Variants in FUT8 observed in about 807,000 individuals in gnomAD.
FUT8 encodes the protein fucosyltransferase 8, also known as alpha-(1,6)-fucosyltransferase.
A neutral mutation model predicts 71.3 loss-of-function variants in FUT8; 29 were observed. That is an observed-to-expected ratio of 0.41 (90% CI 0.30 to 0.55). FUT8 has a LOEUF of 0.55. Ranked by LOEUF, FUT8 falls within the 20% of genes least tolerant of loss-of-function variation. The probability of loss-of-function intolerance (pLI) is 0.34; values close to 1 mark genes in which losing one functional copy is unlikely to be tolerated. For missense variants in FUT8, 544 were observed against 702.1 expected (o/e 0.77, Z 2.55); for synonymous variants, 254 against 239.3 (o/e 1.06, Z -0.57).
chr14:65,507,399 C>G (rs2066752431), intron 2 of FUT8, among the ~76,000 whole-genome samples: 1 of 152,130 alleles, frequency 6.6e-6, no homozygotes, highest in Admixed American at 6.5e-5. Flanking sequence ...AATACTAGGT[C>G]TTATTCATTC....
At chr14:65,421,191 C>G (rs1425609965) in intron 1 of FUT8, among the ~76,000 whole-genome samples, 1 of 57,530 alleles carries the variant, frequency 1.7e-5, no homozygotes, top group African/African-American at 5.8e-5. Context: ...GACTCCATCT[C>G]AGGAAAAAAA....
rs1555360999 is a variant in FUT8 at position 65,439,954 on chromosome 14, G to GTATACGTATATATATATA, written c.-325-15663_-325-15662insCGTATATATATATATATA. On this transcript the variant is annotated intron_variant, in intron 1 of 10. Coordinates refer to ENST00000673929, the MANE Select transcript of FUT8 (RefSeq NM_001371533.1). ...ATAAAGAAAATGTGTGTGTGTGTGTGTATATATATATATATATATATATAT... is the reference window on the plus strand; with the variant it reads ...ATAAAGAAAATGTGTGTGTGTGTGTGTATACGTATATATATATATATATATATATATATATATATATAT... Among the ~76,000 whole-genome samples the GTATACGTATATATATATA allele has an allele frequency of 1.7e-3, 127 of 74,972 alleles. 5 individuals are homozygous for GTATACGTATATATATATA. Among genetic ancestry groups the GTATACGTATATATATATA allele is most frequent in the Middle Eastern group, 0.015 (2 of 136 alleles). 49.2% of individuals were successfully genotyped at this position (74,972 alleles called of 152,430 possible). A position where few individuals can be genotyped will look rare whatever the true frequency, so the allele number is the denominator to read the frequency against.
intron 2 of FUT8, among the ~76,000 whole-genome samples, chr14:65,526,034 T>G (rs1883442301): frequency 6.6e-6 from 1 of 152,190 alleles, no homozygotes. Context: ...AGAATGTATA[T>G]TCTGTTGATT....
intron 1 of FUT8, among the ~76,000 whole-genome samples, chr14:65,425,055 A>C (rs2065361562): frequency 6.6e-6 from 1 of 152,198 alleles, no homozygotes; most frequent in South Asian, 2.1e-4. Context: ...TATTTATTGA[A>C]AAACATTAGC....
chr14:65,358,926 T>C, the FUT8 span, among the ~76,000 whole-genome samples: 1 of 152,206 alleles, frequency 6.6e-6, no homozygotes, highest in Non-Finnish European at 1.5e-5. Flanking sequence ...AGCATATGGT[T>C]ACCCCAAATA....
intron 2 of FUT8, among the ~76,000 whole-genome samples, chr14:65,530,409 A>G (rs955497942): frequency 6.6e-6 from 1 of 152,248 alleles, no homozygotes; most frequent in East Asian, 1.9e-4. Context: ...AGTTGTTTAC[A>G]TTTGGAGGGT....
chr14:65,397,397 A>G, the FUT8 span, among the ~76,000 whole-genome samples: 1 of 152,232 alleles, frequency 6.6e-6, no homozygotes, highest in Non-Finnish European at 1.5e-5. The surrounding 1 kb of genome is among the most constrained non-coding windows in gnomAD (Gnocchi z 4.2). Flanking sequence ...GTCCTTGAAT[A>G]ATGTCATGTG....
At chr14:65,394,703 G>T in the FUT8 span, among the ~76,000 whole-genome samples, 1 of 151,896 alleles carries the variant, frequency 6.6e-6, no homozygotes, top group Non-Finnish European at 1.5e-5. Flanking sequence ...CAAAACAAAG[G>T]GGCTAAAGGC....
At chr14:65,727,824 A>G (rs547390119) in intron 9 of FUT8, among the ~76,000 whole-genome samples, 1 of 152,190 alleles carries the variant, frequency 6.6e-6, no homozygotes, top group East Asian at 1.9e-4. Flanking sequence ...CCCCTTATAA[A>G]ACTGAATGCC....
intron 3 of FUT8, among the ~76,000 whole-genome samples, chr14:65,577,401 T>TA (rs1429405048): frequency 6.6e-6 from 1 of 152,118 alleles, no homozygotes; most frequent in African/African-American, 2.4e-5. Context: ...TTAGTGATCT[T>TA]AAAAAAGTCG....
In FUT8 at chr14:65,665,685, A is replaced by AG. The variant is rs535131899; in HGVS notation, c.598-3558_598-3557insG. 2.8e-3 allele frequency among the ~76,000 whole-genome samples: 433 copies of AG among 152,266 alleles called. 2 individuals are homozygous for AG. Among genetic ancestry groups the AG allele is most frequent in the African/African-American group, 9.9e-3 (412 of 41,560 alleles). On this transcript the variant is annotated intron_variant, in intron 6 of 10. Coordinates refer to ENST00000673929, the MANE Select transcript of FUT8 (RefSeq NM_001371533.1). Reference sequence around the variant, plus strand: ...TAGCAAAGACATGGAATCAACCTAAATGCCCATCAGTGGTAGAATGGCTAA... The same window carrying AG: ...TAGCAAAGACATGGAATCAACCTAAAGTGCCCATCAGTGGTAGAATGGCTAA...
At chr14:65,565,416 A>G (rs1311410663) in intron 3 of FUT8, among the ~76,000 whole-genome samples, 1 of 151,868 alleles carries the variant, frequency 6.6e-6, no homozygotes, top group African/African-American at 2.4e-5. Context: ...CCAATTGAAG[A>G]ATGTGAGGTT....
intron 7 of FUT8, among the ~76,000 whole-genome samples, chr14:65,672,137 TTGTG>T (rs1892503941): frequency 6.6e-6 from 1 of 152,228 alleles, no homozygotes; most frequent in African/African-American, 2.4e-5. Flanking sequence ...TATTTTATGT[TTGTG>T]TGTGAAACTA....
At chr14:65,519,196 T>A (rs1882918348) in intron 2 of FUT8, among the ~76,000 whole-genome samples, 2 of 152,168 alleles carry the variant, frequency 1.3e-5, no homozygotes, top group Admixed American at 1.3e-4. Context: ...CCCATCGTAT[T>A]AGGGACACGT....
At chr14:65,543,312 ATTTAAT>A (rs1046259903) in intron 2 of FUT8, among the ~76,000 whole-genome samples, 12 of 152,298 alleles carry the variant, frequency 7.9e-5, no homozygotes, top group African/African-American at 2.4e-4. Context: ...ATAAGGCCTG[ATTTAAT>A]TTTTATTTTG....
intron 6 of FUT8, among the ~76,000 whole-genome samples, chr14:65,635,459 A>G (rs1260539261): frequency 6.6e-6 from 1 of 152,162 alleles, no homozygotes; most frequent in Admixed American, 6.5e-5. Context: ...ATTTAGTATT[A>G]TGTTGGCTGT....
rs904914136 is a variant in FUT8 at position 65,643,649 on chromosome 14, G to A, written c.597+14043G>A. On this transcript the variant is annotated intron_variant, in intron 6 of 10. Transcript: ENST00000673929. The surrounding 1 kb of genome is among the most constrained non-coding windows in gnomAD (Gnocchi z 4.5). ...AGCCTGGGCGACAGAGCGAGACTCC[G>A]TCTTTAAAAAAAAAATACACACACA... is the stretch of plus-strand genomic sequence containing the variant. Among the ~76,000 whole-genome samples the A allele has an allele frequency of 8.9e-5, 10 of 112,448 alleles. No individual in the cohort carries two copies. Among genetic ancestry groups the A allele is most frequent in the South Asian group, 3.4e-4 (1 of 2,964 alleles). The allele number at this position is 112,448 out of a possible 152,430, so 73.8% of individuals were successfully genotyped here.
intron 2 of FUT8, among the ~76,000 whole-genome samples, chr14:65,492,168 C>T (rs2066491349): frequency 6.6e-6 from 1 of 152,088 alleles, no homozygotes; most frequent in Non-Finnish European, 1.5e-5. Context: ...GTTTTAAAAA[C>T]CAAAGGTAAG....
intron 7 of FUT8, among the ~76,000 whole-genome samples, chr14:65,675,842 A>T (rs1455259445): frequency 1.3e-5 from 2 of 151,676 alleles, no homozygotes; most frequent in African/African-American, 4.8e-5. Context: ...ATACAAAAAA[A>T]AAAAATCAGC....
Sources: allele counts gnomAD v4.1 joint callset (sites outside exome capture counted in the v4.1 genomes callset), GRCh38; gene constraint gnomAD v4.1.1; non-coding constraint Gnocchi (gnomAD v3.1); transcripts MANE v1.5; gene names NCBI Gene and HGNC (gene_info 2026-07-23, HGNC 2026-07-21).